Variants in RIMBP2 observed in about 807,000 individuals in gnomAD.
The protein encoded by RIMBP2 is RIMS-binding protein 2.
In RIMBP2, 48 loss-of-function variants were observed where a neutral mutation model predicts 118.6. That is an observed-to-expected ratio of 0.40 (90% CI 0.32 to 0.51). The LOEUF (loss-of-function observed/expected upper bound fraction) is 0.51, where lower values mean the gene tolerates loss of function less well. RIMBP2 is among the 20% of genes least tolerant of loss of function. The pLI, the probability that RIMBP2 is intolerant of heterozygous loss-of-function variation, is 0.41. For synonymous variants in RIMBP2, 762 were observed against 742.9 expected, an observed-to-expected ratio of 1.03 and a Z score of -0.42; for missense variants, 1,551 against 1,768.3, an observed-to-expected ratio of 0.88 and a Z score of 2.20.
intron 1 of RIMBP2, among the ~76,000 whole-genome samples, chr12:130,628,795 C>T (rs937678548): frequency 3.3e-5 from 5 of 152,250 alleles, no homozygotes; most frequent in African/African-American, 9.6e-5. Flanking sequence ...GGCTAATTAT[C>T]CAGGATAGAC....
At position 130,571,015 on chromosome 12, in the gene RIMBP2, C is replaced by G. The variant is rs763900967; in HGVS notation, c.-216-53098G>C. On this transcript the variant is annotated intron_variant, in intron 2 of 22. Transcript: ENST00000690449. ...GGCCCTGCCCTCATGGAGCTTAGAA[C>G]TGAATTTATGGCAGGAACTGAGAAA... 8.5e-5 allele frequency among the ~76,000 whole-genome samples: 13 copies of G among 152,080 alleles called. 1 individual carries two copies. The highest frequency in any genetic ancestry group is 1.3e-4 in the Non-Finnish European group (9 of 68,030).
chr12:130,598,979 T>C (rs982402353), intron 2 of RIMBP2, among the ~76,000 whole-genome samples: 2 of 152,144 alleles, frequency 1.3e-5, no homozygotes, highest in Non-Finnish European at 2.9e-5. Context: ...AGCACTGGGA[T>C]TACAGCTGTG....
intron 1 of RIMBP2, among the ~76,000 whole-genome samples, chr12:130,689,246 G>C (rs896752457): frequency 6.6e-6 from 1 of 152,048 alleles, no homozygotes; most frequent in African/African-American, 2.4e-5. Flanking sequence ...CAGCCTGGCC[G>C]ATGTGGCGAA....
chr12:130,672,642 G>C (rs76204427), intron 1 of RIMBP2, among the ~76,000 whole-genome samples: 22 of 152,290 alleles, frequency 1.4e-4, no homozygotes, highest in East Asian at 1.4e-3. Flanking sequence ...AAACCTCCAC[G>C]GGGGGTTGCA....
At chr12:130,571,417 T>TA (rs33982494) in intron 2 of RIMBP2, among the ~76,000 whole-genome samples, 2,455 of 111,552 alleles carry the variant, frequency 0.022, 131 homozygotes, top group Middle Eastern at 0.04. Context: ...CATAGTAACA[T>TA]TTTTTTTTTT....
chr12:130,706,178 T>C (rs980071642), intron 1 of RIMBP2, among the ~76,000 whole-genome samples: 2 of 152,356 alleles, frequency 1.3e-5, no homozygotes, highest in African/African-American at 4.8e-5. Flanking sequence ...CTCTGTGCCA[T>C]TGAAGTCATT....
At position 130,439,296 on chromosome 12, in the gene RIMBP2, GGT is replaced by G. The variant is rs576016710; in HGVS notation, c.1505-782_1505-781del. 3.8e-3 allele frequency among the ~76,000 whole-genome samples: 582 copies of G among 151,576 alleles called. 2 individuals carry two copies. Among genetic ancestry groups the G allele is most frequent in the African/African-American group, 0.012 (511 of 41,286 alleles). ...TATGTACATTGTGTGTGTATATGTGGGTGTGTGTGTGGGTGTGTATAGATGTG... is the reference window on the plus strand; with the variant it reads ...TATGTACATTGTGTGTGTATATGTGGGTGTGTGTGGGTGTGTATAGATGTG... On this transcript the variant is annotated intron_variant, in intron 11 of 22. Coordinates refer to ENST00000690449, the MANE Select transcript of RIMBP2 (RefSeq NM_001393629.1).
chr12:130,582,831 T>C (rs1488219531), intron 2 of RIMBP2, among the ~76,000 whole-genome samples: 1 of 152,186 alleles, frequency 6.6e-6, no homozygotes, highest in Non-Finnish European at 1.5e-5. Context: ...AGGGCATTTG[T>C]CTAGTTCATT....
chr12:130,436,365 GCATA>G (rs2077516318), intron 13 of RIMBP2, among the ~76,000 whole-genome samples: 3 of 152,302 alleles, frequency 2.0e-5, no homozygotes, highest in African/African-American at 7.2e-5. Flanking sequence ...ACATGAGGGT[GCATA>G]CAGATACGTG....
chr12:130,436,893 G>A lies in RIMBP2; in HGVS notation c.2055C>T (p.Val685=), dbSNP rs533327648. The A allele has an allele frequency of 1.1e-5, 18 of 1,587,304 alleles. No homozygotes were observed. The highest frequency in any genetic ancestry group is 4.5e-5 in the East Asian group (2 of 43,976). Residue 685 remains valine (V), a synonymous_variant, in exon 13 of 23, where the codon GTC becomes GTT. Transcript: ENST00000690449. ...CGGCCTCCCGGGCCATGGCCTTGGCGACGGTGGTGGACACCGGGGTGCCCT... is the reference window on the plus strand; with the variant it reads ...CGGCCTCCCGGGCCATGGCCTTGGCAACGGTGGTGGACACCGGGGTGCCCT... ...QPQGTPVSTT[V]AKAMAREAAQ... is the part of the protein sequence containing the mutation.
At chr12:130,533,538 A>C (rs938442398) in intron 2 of RIMBP2, among the ~76,000 whole-genome samples, 1 of 152,242 alleles carries the variant, frequency 6.6e-6, no homozygotes, top group Admixed American at 6.5e-5. Context: ...ATACCATTCC[A>C]TCCAGTAATT....
Position 130,434,922 on chromosome 12 carries a change from C to T in RIMBP2, c.2107-42G>A, listed in dbSNP as rs1380398043. The T allele has an allele frequency of 6.4e-6, 10 of 1,568,020 alleles. No homozygotes were observed. Among genetic ancestry groups the T allele is most frequent in the Non-Finnish European group, 7.8e-6 (9 of 1,157,416 alleles). ...AGGCACACGGGTGAGGCAGGGCCAC[C>T]TTCAGCTACGCTCAGCCCCACCTGC... On this transcript the variant is annotated intron_variant, in intron 13 of 22. Coordinates refer to ENST00000690449, the MANE Select transcript of RIMBP2 (RefSeq NM_001393629.1). The surrounding 1 kb of genome is among the most constrained non-coding windows in gnomAD (Gnocchi z 5.7).
chr12:130,632,708 T>C (rs1158429982), intron 1 of RIMBP2, among the ~76,000 whole-genome samples: 1 of 152,170 alleles, frequency 6.6e-6, no homozygotes, highest in African/African-American at 2.4e-5. Flanking sequence ...TGGTTACATG[T>C]GAAGTATGTT....
At chr12:130,495,169 T>C (rs978520434) in intron 4 of RIMBP2, among the ~76,000 whole-genome samples, 1 of 152,216 alleles carries the variant, frequency 6.6e-6, no homozygotes, top group Admixed American at 6.5e-5. Flanking sequence ...GATACATAGA[T>C]TTAGGACTTG....
At chr12:130,449,899 G>T (rs988297872) in intron 9 of RIMBP2, among the ~76,000 whole-genome samples, 1 of 152,032 alleles carries the variant, frequency 6.6e-6, no homozygotes, top group African/African-American at 2.4e-5. Context: ...TGGAGCCCTC[G>T]GAGGGCGAGA....
At chr12:130,545,058 A>G (rs945200981) in intron 2 of RIMBP2, among the ~76,000 whole-genome samples, 3 of 152,232 alleles carry the variant, frequency 2.0e-5, no homozygotes, top group African/African-American at 4.8e-5. Flanking sequence ...AAATACCAAA[A>G]TCTCACATTC....
chr12:130,713,211 TAGGAAGGA>T (rs66952529), intron 1 of RIMBP2, among the ~76,000 whole-genome samples: 16,909 of 97,370 alleles, frequency 0.17, 1,601 homozygotes, highest in Non-Finnish European at 0.19. Context: ...GGAAGGAAGA[TAGGAAGGA>T]AGGAAGGAAG....
chr12:130,695,646 G>A (rs979037682), intron 1 of RIMBP2, among the ~76,000 whole-genome samples: 1 of 152,102 alleles, frequency 6.6e-6, no homozygotes, highest in African/African-American at 2.4e-5. Context: ...AAGCAACAGA[G>A]TGAGGTGACC....
intron 2 of RIMBP2, among the ~76,000 whole-genome samples, chr12:130,610,551 C>CTTTTTTTTTTTTTTTT (rs386378269): frequency 1.2e-5 from 1 of 81,548 alleles, no homozygotes; most frequent in African/African-American, 4.6e-5. Flanking sequence ...AATTTTCCTG[C>CTTTTTTTTTTTTTTTT]TTTTTTTTTT....
Sources: allele counts gnomAD v4.1 joint callset (sites outside exome capture counted in the v4.1 genomes callset), GRCh38; gene constraint gnomAD v4.1.1; non-coding constraint Gnocchi (gnomAD v3.1); transcripts MANE v1.5; gene names NCBI Gene and HGNC (gene_info 2026-07-23, HGNC 2026-07-21).